PLA2R1: variants seen among roughly 807,000 people sequenced by gnomAD.
PLA2R1 encodes secretory phospholipase A2 receptor.
PLA2R1 carries 158 observed loss-of-function variants against 195.9 expected under a neutral mutation model. The ratio of observed to expected loss-of-function variants is 0.81; its 90% confidence interval spans 0.71 to 0.92. The LOEUF (loss-of-function observed/expected upper bound fraction) is 0.92. Ranked by LOEUF, PLA2R1 falls within the 40% of genes least tolerant of loss-of-function variation. The pLI, the probability that PLA2R1 is intolerant of heterozygous loss-of-function variation, is 0.00. For synonymous variants in PLA2R1, 586 were observed against 598.2 expected, an observed-to-expected ratio of 0.98 and a Z score of 0.30; for missense variants, 1,626 against 1,764.6, an observed-to-expected ratio of 0.92 and a Z score of 1.41.
chr2:159,995,850 T>C (rs1691174928), intron 11 of PLA2R1, among the ~76,000 whole-genome samples: 1 of 152,012 alleles, frequency 6.6e-6, no homozygotes, highest in Admixed American at 6.6e-5. Flanking sequence ...TCTCCTTCAC[T>C]ATAGACATCC....
intron 11 of PLA2R1, among the ~76,000 whole-genome samples, chr2:159,989,545 C>A (rs188630127): frequency 7.9e-5 from 12 of 152,312 alleles, no homozygotes; most frequent in Non-Finnish European, 1.3e-4. Flanking sequence ...GGGTTCTAGT[C>A]TCAGCACAAA....
At chr2:160,018,227 G>T (rs1692892419) in intron 8 of PLA2R1, among the ~76,000 whole-genome samples, 1 of 151,998 alleles carries the variant, frequency 6.6e-6, no homozygotes, top group Admixed American at 6.6e-5. Context: ...AAAAATCTCT[G>T]TCCAAATATT....
chr2:159,964,666 T>C (rs1412950799), intron 20 of PLA2R1, among the ~76,000 whole-genome samples: 1 of 152,148 alleles, frequency 6.6e-6, no homozygotes, highest in Non-Finnish European at 1.5e-5. Flanking sequence ...GCCACTGAGC[T>C]CACTGTGTCA....
In PLA2R1 at chr2:159,977,275, T is replaced by C. The variant is rs753757050; in HGVS notation, c.2401+9A>G. On this transcript the variant is annotated intron_variant, in intron 15 of 29. Transcript: ENST00000283243. ...AAACATATAGCAAAGATCTTACTAC[T>C]ATTTTTACCTCTTGGGATTTTGCAT... The C allele has an allele frequency of 2.4e-5, 38 of 1,603,358 alleles. No homozygotes were observed. The East Asian group carries it at 4.7e-4, about 20-fold the overall frequency.
At chr2:159,931,905 T>G (rs748377808), downstream of PLA2R1, 3 of 152,246 alleles carry the variant, frequency 2.0e-5, no homozygotes, top group Non-Finnish European at 2.9e-5. Flanking sequence ...TTTAAACTAA[T>G]GTTAAAACAA....
intron 25 of PLA2R1, 34 bp downstream of exon 25, chr2:159,949,574 G>A: frequency 1.3e-6 from 2 of 1,511,026 alleles, no homozygotes; most frequent in Non-Finnish European, 1.8e-6. Flanking sequence ...AGTTAAATAA[G>A]GTATATTTTT....
chr2:159,995,865 CCA>C, intron 11 of PLA2R1, among the ~76,000 whole-genome samples: 1 of 152,190 alleles, frequency 6.6e-6, no homozygotes, highest in East Asian at 1.9e-4. Flanking sequence ...ACATCCTACA[CCA>C]CAGTGGTACA....
chr2:159,992,353 A>T (rs1162110464), intron 11 of PLA2R1, among the ~76,000 whole-genome samples: 1 of 151,664 alleles, frequency 6.6e-6, no homozygotes, highest in Non-Finnish European at 1.5e-5. Context: ...AATCACAAGC[A>T]TTCTTATACA....
chr2:160,041,873 A>G (rs1694541451), intron 3 of PLA2R1, 152 bp downstream of exon 3: 1 of 619,600 alleles, frequency 1.6e-6, no homozygotes, highest in African/African-American at 1.8e-5. Context: ...CAAGGCAAAA[A>G]CAAACCCCAA....
chr2:159,984,571 G>T (rs1053628737), intron 12 of PLA2R1, among the ~76,000 whole-genome samples: 1 of 152,152 alleles, frequency 6.6e-6, no homozygotes, highest in Admixed American at 6.5e-5. Flanking sequence ...CTGACCCAGG[G>T]CAAGAAATGA....
intron 6 of PLA2R1, among the ~76,000 whole-genome samples, chr2:160,023,697 G>C (rs533932201): frequency 6.6e-6 from 1 of 152,104 alleles, no homozygotes; most frequent in East Asian, 1.9e-4. Context: ...TTATGGATTC[G>C]CCTCCAATTC....
At chr2:160,048,926 C>T (rs1487288940) in intron 1 of PLA2R1, among the ~76,000 whole-genome samples, 3 of 149,920 alleles carry the variant, frequency 2.0e-5, no homozygotes, top group South Asian at 2.1e-4. Context: ...CTGCAAGCTC[C>T]GCCTCCCGGG....
intron 7 of PLA2R1, among the ~76,000 whole-genome samples, chr2:160,020,559 A>G (rs1473258000): frequency 2.6e-5 from 4 of 152,090 alleles, no homozygotes; most frequent in Non-Finnish European, 5.9e-5. Context: ...GCCCTGATGA[A>G]TGGATTAATG....
chr2:159,951,436 T>C lies in PLA2R1; in HGVS notation c.3444A>G (p.Gln1148=). ...AIKTCLMHKA[Q]LVSITDQYHQ... is the part of the protein sequence containing the mutation. ...GATACTGGTCTGTGATGCTGACCAG[T>C]TGTGCTTTGTGCATCAGGCAGGTTT... Residue 1148 remains glutamine, a synonymous_variant, in exon 24 of 30, where the codon CAA becomes CAG. Transcript: ENST00000283243. The C allele has an allele frequency of 6.2e-7, 1 of 1,613,772 alleles. No homozygotes were observed. Among genetic ancestry groups the C allele is most frequent in the African/African-American group, 1.3e-5 (1 of 75,032 alleles).
At chr2:159,988,781 G>A (rs554339056) in intron 11 of PLA2R1, among the ~76,000 whole-genome samples, 3 of 152,258 alleles carry the variant, frequency 2.0e-5, no homozygotes, top group East Asian at 3.9e-4. Flanking sequence ...CATTGTGCTT[G>A]TCATCTATGT....
intron 8 of PLA2R1, among the ~76,000 whole-genome samples, chr2:160,017,985 T>C (rs1026423227): frequency 2.6e-5 from 4 of 152,212 alleles, no homozygotes; most frequent in African/African-American, 9.7e-5. Flanking sequence ...AAATGAATTG[T>C]TTCCTAGGCT....
intron 11 of PLA2R1, among the ~76,000 whole-genome samples, chr2:160,005,164 T>C (rs1426783723): frequency 6.6e-6 from 1 of 152,186 alleles, no homozygotes; most frequent in African/African-American, 2.4e-5. Context: ...CTTTTAAAAA[T>C]GACCATTGGG....
rs1030395320 is a variant in PLA2R1, at chr2:159,938,335, G to C, written c.*3443C>G. On this transcript the variant is annotated 3_prime_UTR_variant, in exon 30 of 30. Coordinates refer to ENST00000283243, the MANE Select transcript of PLA2R1 (RefSeq NM_007366.5). ...TGACTGAACAGAGCAAAGTCCTCTT[G>C]CCAGCCCATGCAGGTGTGGGTGAGA... 2 of 152,304 alleles carry C rather than the reference G, an allele frequency of 1.3e-5. No homozygotes were observed. 9.4% of individuals were successfully genotyped at this position (152,304 alleles called of 1,614,324 possible).
chr2:159,950,772 A>T (rs1687685008), intron 24 of PLA2R1, among the ~76,000 whole-genome samples: 1 of 152,198 alleles, frequency 6.6e-6, no homozygotes, highest in Non-Finnish European at 1.5e-5. Context: ...CACAATTACT[A>T]ACATTAGGGA....
Sources: allele counts gnomAD v4.1 joint callset (sites outside exome capture counted in the v4.1 genomes callset), GRCh38; gene constraint gnomAD v4.1.1; transcripts MANE v1.5; gene names NCBI Gene and HGNC (gene_info 2026-07-23, HGNC 2026-07-21).